The following CDH13 variants were observed in gnomAD, a reference collection of about 807,000 sequenced individuals.
CDH13 encodes the protein cadherin-13.
In CDH13, 24 loss-of-function variants were observed where a neutral mutation model predicts 63.8. That is an observed-to-expected ratio of 0.38 (90% confidence interval 0.27 to 0.53). The LOEUF (loss-of-function observed/expected upper bound fraction) is 0.53. Ranked by LOEUF, CDH13 falls within the 20% of genes least tolerant of loss-of-function variation. The pLI is 0.85. For missense variants in CDH13, 1,049 were observed against 903.1 expected (o/e 1.16, Z -2.07); for synonymous variants, 503 against 355.3 (o/e 1.42, Z -4.67).
At chr16:83,091,412 G>C (rs1256560839) in intron 3 of CDH13, among the ~76,000 whole-genome samples, 2 of 152,168 alleles carry the variant, frequency 1.3e-5, no homozygotes, top group Admixed American at 1.3e-4. Flanking sequence ...ATCATGAGAT[G>C]TTGCCATTCT....
intron 6 of CDH13, among the ~76,000 whole-genome samples, chr16:83,387,722 G>C (rs1450197116): frequency 6.6e-6 from 1 of 152,206 alleles, no homozygotes; most frequent in Non-Finnish European, 1.5e-5. Flanking sequence ...GAATGGCGAA[G>C]TGGACAATGG....
chr16:83,237,659 G>A (rs79462950), intron 5 of CDH13, among the ~76,000 whole-genome samples: 167 of 152,298 alleles, frequency 1.1e-3, no homozygotes, highest in Middle Eastern at 3.4e-3. Flanking sequence ...TTAGCATCAC[G>A]TGGGCCTATG....
At chr16:83,389,480 G>A (rs2091742458) in intron 6 of CDH13, among the ~76,000 whole-genome samples, 1 of 152,200 alleles carries the variant, frequency 6.6e-6, no homozygotes, top group Non-Finnish European at 1.5e-5. Flanking sequence ...AGCCAATCCA[G>A]ATGGATCTGG....
chr16:83,551,896 A>C (rs1016836124), intron 7 of CDH13, among the ~76,000 whole-genome samples: 1 of 152,192 alleles, frequency 6.6e-6, no homozygotes, highest in Non-Finnish European at 1.5e-5. Context: ...TGTTAGTTGA[A>C]AGAAAAAATG....
chr16:83,124,786 A>T (rs2035738310), intron 3 of CDH13, among the ~76,000 whole-genome samples: 1 of 152,078 alleles, frequency 6.6e-6, no homozygotes, highest in African/African-American at 2.4e-5. Flanking sequence ...ATAGAGCGTC[A>T]TTTCCCTATC....
At chr16:83,355,565 TA>T (rs2091035520) in intron 6 of CDH13, among the ~76,000 whole-genome samples, 1 of 152,228 alleles carries the variant, frequency 6.6e-6, no homozygotes, top group Non-Finnish European at 1.5e-5. Context: ...AACTGTTTTT[TA>T]ATTCAATTTT....
At chr16:83,522,636 A>G (rs1055298653) in intron 7 of CDH13, among the ~76,000 whole-genome samples, 3 of 152,212 alleles carry the variant, frequency 2.0e-5, no homozygotes, top group Non-Finnish European at 4.4e-5. Flanking sequence ...TGCCGAGCGC[A>G]GTGGGTTCTT....
At position 83,079,137 on chromosome 16, in the gene CDH13, G is replaced by A. The variant is rs148682630; in HGVS notation, c.367-46248G>A. Among the ~76,000 whole-genome samples, 12 of 152,192 alleles carry A rather than the reference G, an allele frequency of 7.9e-5. No individual in the cohort carries two copies. The East Asian group carries it at 1.2e-3, about 15-fold the overall frequency. ...GAAGTTCACACTCCACATTCCCCAG[G>A]TAGTTGTTTATTATATGTGGCCAAA... On this transcript the variant is annotated intron_variant, in intron 3 of 13. Transcript: ENST00000567109.
chr16:83,191,546 T>C (rs1284310073), intron 4 of CDH13, among the ~76,000 whole-genome samples: 3 of 140,776 alleles, frequency 2.1e-5, no homozygotes, highest in Non-Finnish European at 3.1e-5. Context: ...TATATATATA[T>C]ATATATATAT....
chr16:83,142,069 C>T (rs1206837944), intron 4 of CDH13, among the ~76,000 whole-genome samples: 9 of 151,906 alleles, frequency 5.9e-5, no homozygotes, highest in African/African-American at 1.9e-4. Context: ...TTGGGGAGAA[C>T]AACGGATATA....
At position 83,178,709 on chromosome 16, in the gene CDH13, C is replaced by A. The variant is rs1024582878; in HGVS notation, c.484-38636C>A. Among the ~76,000 whole-genome samples the A allele has an allele frequency of 3.3e-5, 5 of 152,182 alleles. 1 individual carries two copies. The highest frequency in any genetic ancestry group is 3.3e-4 in the Admixed American group (5 of 15,286). On this transcript the variant is annotated intron_variant, in intron 4 of 13. Transcript: ENST00000567109. Reference sequence around the variant, plus strand: ...CGCTTTATAGTTGAATGTCAGAATGCCTGCTAATGACCCTAACAATCATAG... The same window carrying A: ...CGCTTTATAGTTGAATGTCAGAATGACTGCTAATGACCCTAACAATCATAG...
chr16:82,855,166 C>G (rs982613468), intron 1 of CDH13, among the ~76,000 whole-genome samples: 2 of 152,202 alleles, frequency 1.3e-5, no homozygotes, highest in Non-Finnish European at 2.9e-5. Context: ...CCCCTCTTCC[C>G]TAAGAGTCAG....
chr16:83,560,145 A>G (rs1206670688), intron 7 of CDH13, among the ~76,000 whole-genome samples: 1 of 152,200 alleles, frequency 6.6e-6, no homozygotes, highest in African/African-American at 2.4e-5. Context: ...TCCCTGGACA[A>G]GAGCAGAGCA....
chr16:83,372,486 G>A (rs1341663627), intron 6 of CDH13, among the ~76,000 whole-genome samples: 1 of 152,038 alleles, frequency 6.6e-6, no homozygotes, highest in East Asian at 1.9e-4. Flanking sequence ...GGGTGCGGTG[G>A]CTCATGCCTG....
intron 5 of CDH13, among the ~76,000 whole-genome samples, chr16:83,338,337 G>C (rs2090646368): frequency 6.6e-6 from 1 of 152,184 alleles, no homozygotes; most frequent in Non-Finnish European, 1.5e-5. Flanking sequence ...CGGAGATGGA[G>C]AGAAAGGACA....
At chr16:83,444,202 A>G (rs1268629352) in intron 6 of CDH13, among the ~76,000 whole-genome samples, 1 of 152,134 alleles carries the variant, frequency 6.6e-6, no homozygotes, top group African/African-American at 2.4e-5. Context: ...GACAATGATG[A>G]TGATGATAAT....
At chr16:82,725,538 G>T (rs897348871) in intron 1 of CDH13, among the ~76,000 whole-genome samples, 7 of 152,176 alleles carry the variant, frequency 4.6e-5, no homozygotes, top group Admixed American at 1.3e-4. Context: ...TTAAGGAATG[G>T]TAAAATGATC....
intron 6 of CDH13, among the ~76,000 whole-genome samples, chr16:83,483,906 G>A (rs1482317016): frequency 1.3e-5 from 2 of 152,220 alleles, no homozygotes; most frequent in African/African-American, 2.4e-5. Context: ...GGGAGACAGA[G>A]TCATGCTGTT....
At chr16:83,597,162 G>T (rs1363984416) in intron 7 of CDH13, among the ~76,000 whole-genome samples, 1 of 152,140 alleles carries the variant, frequency 6.6e-6, no homozygotes, top group East Asian at 1.9e-4. Context: ...GGTCGAGGCT[G>T]CAGTGAGCTG....
Sources: gnomAD v4.1 joint callset for allele counts (sites outside exome capture counted in the v4.1 genomes callset) on GRCh38, gnomAD v4.1.1 for gene constraint, MANE v1.5 for transcripts, NCBI Gene and HGNC (gene_info 2026-07-23, HGNC 2026-07-21) for gene names.